The following GRM4 variants were observed in gnomAD, a reference collection of about 807,000 sequenced individuals.
GRM4 encodes metabotropic glutamate receptor 4.
GRM4 carries 28 observed loss-of-function variants against 81.7 expected under a neutral mutation model. The observed-to-expected ratio is 0.34, with a 90% confidence interval of 0.25 to 0.47. GRM4 has a LOEUF of 0.47. Among genes scored for constraint, GRM4 ranks in the 20% least tolerant of loss-of-function variants. GRM4 has a pLI of 1.00. For synonymous variants in GRM4, 488 were observed against 528.8 expected (o/e 0.92, Z 1.06); for missense variants, 948 against 1,290.0 (o/e 0.73, Z 4.06).
Position 34,056,691 on chromosome 6 carries a change from G to C in GRM4, c.1028-7C>G, listed in dbSNP as rs758486236. 5 of 1,612,404 alleles carry C rather than the reference G, an allele frequency of 3.1e-6. No homozygotes were observed. The East Asian group carries it at 1.1e-4, about 36-fold the overall frequency. ...GAGAAGTAGCGGTCGAAGCCTGGCAGGGAACCAGGACGTCAGGGCCTCACT... is the reference window on the plus strand; with the variant it reads ...GAGAAGTAGCGGTCGAAGCCTGGCACGGAACCAGGACGTCAGGGCCTCACT... On this transcript the variant is annotated splice_polypyrimidine_tract_variant and splice_region_variant and intron_variant, in intron 5 of 10. Coordinates refer to ENST00000538487, the MANE Select transcript of GRM4 (RefSeq NM_000841.4).
chr6:34,088,549 G>A (rs573380749), intron 3 of GRM4, among the ~76,000 whole-genome samples: 53 of 152,278 alleles, frequency 3.5e-4, no homozygotes, highest in South Asian at 8.3e-4. Context: ...AGGTCTGCCC[G>A]AAGGAGCCTG....
intron 10 of GRM4, among the ~76,000 whole-genome samples, chr6:34,026,487 G>A (rs978206435): frequency 4.6e-5 from 7 of 152,068 alleles, no homozygotes; most frequent in African/African-American, 9.7e-5. Context: ...CAGACCCCTC[G>A]GTCCCTCCCA....
In GRM4 at chr6:34,154,727, G is replaced by C. The variant is rs1581749046; in HGVS notation, c.312+352C>G. Among the ~76,000 whole-genome samples the C allele has an allele frequency of 2.0e-5, 3 of 152,322 alleles. No homozygotes were observed. In the Middle Eastern group the frequency reaches 0.01, roughly 518 times the overall value. On this transcript the variant is annotated intron_variant, in intron 1 of 8. Transcript: ENST00000374177. Reference sequence around the variant, plus strand: ...GGGGGGGAGTCGGCACCCCGGCCCGGCTCTCTGTGCCCGCAGAAGGGAGTG... The same window carrying C: ...GGGGGGGAGTCGGCACCCCGGCCCGCCTCTCTGTGCCCGCAGAAGGGAGTG...
At chr6:34,081,510 C>G (rs993672821) in intron 3 of GRM4, among the ~76,000 whole-genome samples, 2 of 152,250 alleles carry the variant, frequency 1.3e-5, no homozygotes, top group Non-Finnish European at 2.9e-5. Flanking sequence ...GCAGAAATGT[C>G]CGCATGCACC....
In GRM4 at chr6:34,042,755, A is replaced by T. The variant is rs1297093436; in HGVS notation, c.1169-2007T>A. ...GGGGACTCCAGAGGTCACTGTGTCCAGCCCCCTGCCTTGGACACCCTGAAG... is the reference window on the plus strand; with the variant it reads ...GGGGACTCCAGAGGTCACTGTGTCCTGCCCCCTGCCTTGGACACCCTGAAG... On this transcript the variant is annotated intron_variant, in intron 6 of 10. Transcript: ENST00000538487. The surrounding 1 kb of genome is among the most constrained non-coding windows in gnomAD (Gnocchi z 4.2). Among the ~76,000 whole-genome samples the T allele has an allele frequency of 6.6e-6, 1 of 152,164 alleles. No individual in the cohort carries two copies. The highest frequency in any genetic ancestry group is 2.4e-5 in the African/African-American group (1 of 41,432).
chr6:34,052,826 T>C (rs914491371), intron 6 of GRM4, among the ~76,000 whole-genome samples: 8 of 152,194 alleles, frequency 5.3e-5, no homozygotes, highest in Non-Finnish European at 1.0e-4. Flanking sequence ...GTGAATCAGC[T>C]CTGACAACTC....
At chr6:34,144,520 G>A (rs1437897044) in intron 1 of GRM4, among the ~76,000 whole-genome samples, 1 of 152,202 alleles carries the variant, frequency 6.6e-6, no homozygotes, top group Non-Finnish European at 1.5e-5. Flanking sequence ...CCAGACCCTA[G>A]AGACCCCCAC....
intron 1 of GRM4, among the ~76,000 whole-genome samples, chr6:34,154,804 G>T (rs765561757): frequency 2.0e-5 from 3 of 152,254 alleles, no homozygotes; most frequent in Non-Finnish European, 4.4e-5. Context: ...TGGAGGGCCA[G>T]TTCAGCCACC....
chr6:34,141,612 G>A (rs1320562880), intron 1 of GRM4, among the ~76,000 whole-genome samples: 2 of 151,380 alleles, frequency 1.3e-5, no homozygotes, highest in African/African-American at 2.4e-5. Flanking sequence ...TATCCTTGTG[G>A]TGCTCGTTTT....
At chr6:34,149,012 G>A (rs376173262), upstream of GRM4, among the ~76,000 whole-genome samples, 17 of 152,300 alleles carry the variant, frequency 1.1e-4, no homozygotes, top group African/African-American at 3.4e-4. Context: ...ACAGAGTCCT[G>A]AGCCTGTGTT....
At chr6:34,113,811 CTAAT>C (rs1436834658) in intron 2 of GRM4, among the ~76,000 whole-genome samples, 4 of 152,110 alleles carry the variant, frequency 2.6e-5, no homozygotes, top group African/African-American at 9.7e-5. Flanking sequence ...AAACGTAAGT[CTAAT>C]TATGTCACTC....
chr6:34,026,302 C>T (rs907002452), intron 10 of GRM4, among the ~76,000 whole-genome samples: 4 of 152,178 alleles, frequency 2.6e-5, no homozygotes, highest in Non-Finnish European at 5.9e-5. Flanking sequence ...GGCTCCTGCC[C>T]GGTGCCTCCA....
In GRM4 at chr6:34,145,227, G is replaced by A. The variant is rs144992083; in HGVS notation, c.-364+773C>T. On this transcript the variant is annotated intron_variant, in intron 1 of 10. Transcript: ENST00000538487. ...CCGCGGCGGGCAGCGCTGACGCTGC[G>A]GACCCAGCGCGCCGCGGAGCCGCCC... Among the ~76,000 whole-genome samples the A allele has an allele frequency of 5.9e-3, 902 of 151,660 alleles. 8 individuals carry two copies. The highest frequency in any genetic ancestry group is 0.019 in the African/African-American group (780 of 41,494).
chr6:34,113,314 G>T (rs1424709338), intron 2 of GRM4, among the ~76,000 whole-genome samples: 7 of 151,832 alleles, frequency 4.6e-5, no homozygotes, highest in African/African-American at 1.7e-4. Context: ...ACCACACCTG[G>T]CTAATTTTTA....
At chr6:34,086,994 A>G (rs1767923330) in intron 3 of GRM4, among the ~76,000 whole-genome samples, 2 of 152,088 alleles carry the variant, frequency 1.3e-5, no homozygotes, top group Non-Finnish European at 2.9e-5. Flanking sequence ...GCATGGTGGT[A>G]TATGCCTGTG....
rs1410215250 is a variant in GRM4 at position 34,048,761 on chromosome 6, A to C, written c.1168+7783T>G. Among the ~76,000 whole-genome samples, 1 of 152,078 alleles carries C rather than the reference A, an allele frequency of 6.6e-6. No individual in the cohort carries two copies. Among genetic ancestry groups the C allele is most frequent in the East Asian group, 1.9e-4 (1 of 5,176 alleles). ...GAGTTCTCAAGAGATCTGAGGGTTT[A>C]AAAGTGTGGCACTTCCCCTCTCGCC... On this transcript the variant is annotated intron_variant, in intron 6 of 10. Transcript: ENST00000538487. The surrounding 1 kb of genome is among the most constrained non-coding windows in gnomAD (Gnocchi z 4.0).
chr6:34,119,957 C>T (rs999222849), intron 2 of GRM4, among the ~76,000 whole-genome samples: 5 of 152,188 alleles, frequency 3.3e-5, no homozygotes, highest in East Asian at 3.9e-4. Context: ...CCAGCCCGTA[C>T]GCAGGCCTGA....
At chr6:34,044,073 CACAG>C (rs1390474133) in intron 6 of GRM4, among the ~76,000 whole-genome samples, 1 of 150,196 alleles carries the variant, frequency 6.7e-6, no homozygotes, top group Non-Finnish European at 1.5e-5. Flanking sequence ...CACATATATA[CACAG>C]ACACACACAC....
intron 4 of GRM4, chr6:34,060,471 TG>T (rs1381011327): frequency 6.6e-6 from 1 of 152,266 alleles, no homozygotes; most frequent in Non-Finnish European, 1.5e-5. Flanking sequence ...CAGCCTGCTC[TG>T]GAAGTCAGTC....
Sources: gnomAD v4.1 joint callset for allele counts (sites outside exome capture counted in the v4.1 genomes callset) on GRCh38, gnomAD v4.1.1 for gene constraint, Gnocchi (gnomAD v3.1) non-coding constraint, MANE v1.5 for transcripts, NCBI Gene and HGNC (gene_info 2026-07-23, HGNC 2026-07-21) for gene names.